The following DPP6 variants were observed in gnomAD, a reference collection of about 807,000 sequenced individuals.
DPP6 encodes the protein A-type potassium channel modulatory protein DPP6.
DPP6 carries 69 observed loss-of-function variants against 122.6 expected under a neutral mutation model. The observed-to-expected ratio is 0.56, with a 90% CI of 0.46 to 0.69. The LOEUF is 0.69. Ranked by LOEUF, DPP6 falls within the 30% of genes least tolerant of loss-of-function variation. The pLI is 0.00. For synonymous variants in DPP6, 418 were observed against 433.1 expected (o/e 0.97, Z 0.43); for missense variants, 928 against 1,116.9 (o/e 0.83, Z 2.41).
intron 6 of DPP6, among the ~76,000 whole-genome samples, chr7:154,647,045 A>G (rs1016318613): frequency 6.6e-6 from 1 of 152,202 alleles, no homozygotes; most frequent in African/African-American, 2.4e-5. Context: ...CTCCTTGTTC[A>G]TCTTAAACTC....
chr7:153,838,905 T>C, the DPP6 span, among the ~76,000 whole-genome samples: 1 of 152,314 alleles, frequency 6.6e-6, no homozygotes, highest in African/African-American at 2.4e-5. Context: ...TTAGGAGCAT[T>C]CCTGGCACGT....
chr7:154,360,044 T>C lies in DPP6; in HGVS notation c.244-86170T>C, dbSNP rs528842149. Among the ~76,000 whole-genome samples the C allele has an allele frequency of 4.6e-5, 7 of 152,326 alleles. No individual in the cohort carries two copies. The South Asian group carries it at 6.2e-4, about 14-fold the overall frequency. ...TGCTGCTTGGCTTTGAGATGTAAGA[T>C]TTAGACGTTAGACACTTTCTAGCTC... On this transcript the variant is annotated intron_variant, in intron 1 of 25. Coordinates refer to ENST00000377770, the MANE Select transcript of DPP6 (RefSeq NM_130797.4).
rs116290167 is a variant in DPP6 at position 154,892,264 on chromosome 7, C to T, written c.2452-70C>T. ...GGCCCAGGTTTCACTAAACTCCACA[C>T]CTTCTGTGCGTTCCCGTCCCCTGGG... is the stretch of plus-strand genomic sequence containing the variant. On this transcript the variant is annotated intron_variant, in intron 25 of 25. Transcript: ENST00000377770. 806 of 1,605,116 alleles carry T rather than the reference C, an allele frequency of 5.0e-4. 5 individuals carry two copies. In the African/African-American group the frequency reaches 7.0e-3, roughly 14 times the overall value.
intron 7 of DPP6, among the ~76,000 whole-genome samples, chr7:154,719,503 G>T (rs780704998): frequency 2.0e-5 from 3 of 152,136 alleles, no homozygotes; most frequent in Non-Finnish European, 2.9e-5. Flanking sequence ...AGAAATCTGG[G>T]GTGTCAAGTA....
At chr7:154,641,620 C>T (rs1323293097) in intron 6 of DPP6, among the ~76,000 whole-genome samples, 1 of 152,108 alleles carries the variant, frequency 6.6e-6, no homozygotes, top group Non-Finnish European at 1.5e-5. Context: ...ATCTACCTAG[C>T]TTTCTATCTA....
intron 17 of DPP6, among the ~76,000 whole-genome samples, chr7:154,861,919 G>A (rs981841852): frequency 2.0e-5 from 3 of 152,170 alleles, no homozygotes; most frequent in African/African-American, 7.2e-5. Flanking sequence ...TTATAGCAGT[G>A]CCATTTTCAC....
chr7:154,667,931 G>A (rs959280172), intron 6 of DPP6, among the ~76,000 whole-genome samples: 3 of 151,482 alleles, frequency 2.0e-5, no homozygotes, highest in African/African-American at 7.3e-5. Flanking sequence ...AAAACTACCT[G>A]GGGCATTCTA....
At chr7:154,040,986 C>A (rs2628781) in intron 1 of DPP6, among the ~76,000 whole-genome samples, 73,980 of 151,148 alleles carry the variant, frequency 0.49, 19,168 homozygotes, top group African/African-American at 0.66. Flanking sequence ...AGGGTTTTGC[C>A]TTTCAACACA....
In DPP6 at chr7:154,618,328, C is replaced by A. The variant is rs551757583; in HGVS notation, c.628-19493C>A. Among the ~76,000 whole-genome samples the A allele has an allele frequency of 2.6e-5, 4 of 152,196 alleles. No homozygotes were observed. Among genetic ancestry groups the A allele is most frequent in the Non-Finnish European group, 5.9e-5 (4 of 68,012 alleles). ...TCAGGATGAGATTAGGCTCACTGAG[C>A]GGGTGAACGGAGCTGTTTGAACTGA... On this transcript the variant is annotated intron_variant, in intron 5 of 25. Transcript: ENST00000377770. This position sits in a 1 kb window ranked among gnomAD's most constrained non-coding sequence, Gnocchi z 4.1.
In DPP6 at chr7:154,241,475, G is replaced by T. The variant is rs1037841570; in HGVS notation, c.243+188412G>T. Among the ~76,000 whole-genome samples, 1 of 151,860 alleles carries T rather than the reference G, an allele frequency of 6.6e-6. No homozygotes were observed. Among genetic ancestry groups the T allele is most frequent in the Non-Finnish European group, 1.5e-5 (1 of 67,974 alleles). ...TTTGGGAGGCGGAGGCAGGAGAATC[G>T]CTTGAACCCAGGAGAAGGAGGTTGC... On this transcript the variant is annotated intron_variant, in intron 1 of 25. Coordinates refer to ENST00000377770, the MANE Select transcript of DPP6 (RefSeq NM_130797.4). This position sits in a 1 kb window ranked among gnomAD's most constrained non-coding sequence, Gnocchi z 9.0.
rs571916731 is a variant in DPP6 at position 154,451,437 on chromosome 7, C to T, written c.358+5109C>T. On this transcript the variant is annotated intron_variant, in intron 2 of 25. Coordinates refer to ENST00000377770, the MANE Select transcript of DPP6 (RefSeq NM_130797.4). ...CACCGAAATGTCCACAGCAGCAAAGCGGGTTGAGAACCAGGTCCTGGGACC... is the reference window on the plus strand; with the variant it reads ...CACCGAAATGTCCACAGCAGCAAAGTGGGTTGAGAACCAGGTCCTGGGACC... Among the ~76,000 whole-genome samples the T allele has an allele frequency of 2.0e-3, 301 of 151,928 alleles. 2 individuals carry two copies. Among genetic ancestry groups the T allele is most frequent in the Non-Finnish European group, 3.3e-3 (225 of 67,976 alleles).
intron 7 of DPP6, among the ~76,000 whole-genome samples, chr7:154,708,777 G>C (rs1008392721): frequency 6.6e-6 from 1 of 152,218 alleles, no homozygotes; most frequent in African/African-American, 2.4e-5. Flanking sequence ...TCCAGGTGTG[G>C]TGGCTCATGC....
chr7:154,458,339 A>G (rs564377149), intron 2 of DPP6, among the ~76,000 whole-genome samples: 1 of 152,286 alleles, frequency 6.6e-6, no homozygotes, highest in African/African-American at 2.4e-5. Context: ...CTGCCATGTA[A>G]GATGTGCCTT....
intron 2 of DPP6, among the ~76,000 whole-genome samples, chr7:154,474,298 C>T (rs1451821058): frequency 2.0e-5 from 3 of 152,232 alleles, no homozygotes; most frequent in Non-Finnish European, 4.4e-5. Flanking sequence ...CTAAACATCT[C>T]ATCTTGGGAT....
At chr7:154,432,526 G>T (rs557118103) in intron 1 of DPP6, among the ~76,000 whole-genome samples, 1 of 152,090 alleles carries the variant, frequency 6.6e-6, no homozygotes, top group Non-Finnish European at 1.5e-5. Context: ...AGGGGTTTTC[G>T]GGGGGAAACA....
At chr7:154,375,327 G>T (rs115221988) in intron 1 of DPP6, among the ~76,000 whole-genome samples, 1,600 of 152,190 alleles carry the variant, frequency 0.011, 30 homozygotes, top group African/African-American at 0.036. Flanking sequence ...ATGGCGAGGG[G>T]ATGTTGGCCC....
chr7:154,305,238 G>A, intron 1 of DPP6: 1 of 1,242,566 alleles, frequency 8.0e-7, no homozygotes, highest in Non-Finnish European at 1.0e-6. Context: ...GATTGCAGAG[G>A]CTGTTGCTAA....
chr7:153,983,458 G>A (rs918975601), intron 1 of DPP6, among the ~76,000 whole-genome samples: 15 of 152,352 alleles, frequency 9.8e-5, no homozygotes, highest in South Asian at 4.1e-4. Flanking sequence ...AGAACTTTAA[G>A]CCAGTAGATC....
chr7:154,620,897 G>C (rs778916678), intron 5 of DPP6, among the ~76,000 whole-genome samples: 19 of 152,170 alleles, frequency 1.2e-4, no homozygotes, highest in Admixed American at 3.3e-4. Flanking sequence ...ACAATCAGAG[G>C]CCTATCAAAA....
Sources: allele counts gnomAD v4.1 joint callset (sites outside exome capture counted in the v4.1 genomes callset), GRCh38; gene constraint gnomAD v4.1.1; non-coding constraint Gnocchi (gnomAD v3.1); transcripts MANE v1.5; gene names NCBI Gene and HGNC (gene_info 2026-07-23, HGNC 2026-07-21).